The following ARHGAP32 variants were observed in gnomAD, a reference collection of about 807,000 sequenced individuals.
The protein encoded by ARHGAP32 is rho GTPase-activating protein 32.
ARHGAP32 carries 51 observed loss-of-function variants against 186.5 expected under a neutral mutation model. The observed-to-expected ratio is 0.27, with a 90% CI of 0.22 to 0.35. The LOEUF is 0.35. Ranked by LOEUF, ARHGAP32 falls within the 10% of genes least tolerant of loss-of-function variation. ARHGAP32 has a pLI of 1.00. For synonymous variants in ARHGAP32, 950 were observed against 964.3 expected (o/e 0.99, Z 0.27); for missense variants, 2,186 against 2,623.5 (o/e 0.83, Z 3.64).
chr11:128,969,334 T>A lies in ARHGAP32; in HGVS notation c.5879A>T (p.Lys1960Ile). 1 of 1,614,222 alleles carries A rather than the reference T, an allele frequency of 6.2e-7. No individual in the cohort carries two copies. The highest frequency in any genetic ancestry group is 8.5e-7 in the Non-Finnish European group (1 of 1,180,038). The change falls in exon 23 of 23, where the codon AAA (lysine) becomes ATA (isoleucine). Residue 1960 changes from lysine (K) to isoleucine (I), a missense_variant. Lys to Ile is a moderately radical substitution (Grantham distance 102). Around this residue, in one of 5 missense-constraint regions of ARHGAP32, gnomAD observed 1,502 missense variants for 1,570.0 expected, o/e 0.96. Transcript: ENST00000682385. This position sits in a 1 kb window ranked among gnomAD's most constrained non-coding sequence, Gnocchi z 4.8. The part of the protein sequence containing the change: ...RLNHKEVRLS[K>I]EMERPWVRQP... ...CCTAACCCAGGGTCGCTCCATCTCT[T>A]TGGAGAGCCTTACCTCTTTGTGGTT...
chr11:128,985,920 T>C, intron 15 of ARHGAP32, 83 bp downstream of exon 15: 1 of 679,724 alleles, frequency 1.5e-6, no homozygotes, highest in Non-Finnish European at 2.3e-6. Context: ...CAAGGAAGTT[T>C]AAATAGAAAT....
intron 2 of ARHGAP32, among the ~76,000 whole-genome samples, chr11:129,151,675 T>C (rs148465138): frequency 2.3e-3 from 352 of 152,254 alleles, no homozygotes; most frequent in African/African-American, 8.3e-3. Context: ...AGCTGAATGA[T>C]AATACTGACA....
chr11:129,212,341 T>C (rs980927392), intron 1 of ARHGAP32, among the ~76,000 whole-genome samples: 13 of 152,104 alleles, frequency 8.5e-5, no homozygotes, highest in Admixed American at 8.5e-4. Context: ...TTGCCTAATA[T>C]GAAAATAAGG....
At chr11:129,243,826 C>G (rs1945051803) in intron 1 of ARHGAP32, among the ~76,000 whole-genome samples, 1 of 152,182 alleles carries the variant, frequency 6.6e-6, no homozygotes, top group Non-Finnish European at 1.5e-5. Context: ...TTCTCCACCC[C>G]CACAAGCCCA....
At chr11:129,277,018 A>T (rs778188512) in intron 1 of ARHGAP32, among the ~76,000 whole-genome samples, 3 of 152,224 alleles carry the variant, frequency 2.0e-5, no homozygotes, top group Non-Finnish European at 2.9e-5. Context: ...TTACTCTTTA[A>T]AAGTTCAACT....
intron 1 of ARHGAP32, among the ~76,000 whole-genome samples, chr11:129,239,558 GGAT>G (rs1363388779): frequency 1.3e-5 from 2 of 152,094 alleles, no homozygotes; most frequent in Admixed American, 1.3e-4. Flanking sequence ...AATAGAAATT[GGAT>G]GATACCAATT....
At chr11:129,155,528 T>C (rs578112032) in intron 2 of ARHGAP32, among the ~76,000 whole-genome samples, 4 of 152,284 alleles carry the variant, frequency 2.6e-5, no homozygotes, top group East Asian at 3.9e-4. Flanking sequence ...TCTGAAAAAT[T>C]AGAAAATTCT....
intron 2 of ARHGAP32, among the ~76,000 whole-genome samples, chr11:129,144,044 CAAT>C (rs535875667): frequency 2.0e-5 from 3 of 152,182 alleles, no homozygotes; most frequent in South Asian, 4.1e-4. Flanking sequence ...TTTTGAACAA[CAAT>C]GTTACTAAAG....
chr11:128,987,377 C>T (rs1459385193), intron 13 of ARHGAP32, among the ~76,000 whole-genome samples: 8 of 152,042 alleles, frequency 5.3e-5, no homozygotes. Context: ...AGTACAAGGA[C>T]TAATTTATGT....
intron 11 of ARHGAP32, among the ~76,000 whole-genome samples, chr11:129,016,768 C>T (rs1938363276): frequency 6.6e-6 from 1 of 152,182 alleles, no homozygotes. Flanking sequence ...TTTGGAATCT[C>T]ATTGAAGCTG....
intron 2 of ARHGAP32, among the ~76,000 whole-genome samples, chr11:129,138,583 C>A (rs1942986110): frequency 6.6e-6 from 1 of 152,106 alleles, no homozygotes; most frequent in Admixed American, 6.6e-5. Context: ...GTCCCATATT[C>A]AAAGTGCTAA....
At chr11:129,051,998 T>C (rs1940071286) in intron 10 of ARHGAP32, among the ~76,000 whole-genome samples, 1 of 143,614 alleles carries the variant, frequency 7.0e-6, no homozygotes, top group South Asian at 2.4e-4. Context: ...CTTCACCTAA[T>C]CCAAAGCCAC....
intron 1 of ARHGAP32, among the ~76,000 whole-genome samples, chr11:129,167,234 G>GC (rs1349655577): frequency 6.6e-6 from 1 of 152,140 alleles, no homozygotes; most frequent in African/African-American, 2.4e-5. Context: ...AGCTGGGAAA[G>GC]ATACGGAGAA....
At chr11:129,181,384 T>C (rs1206959311) in intron 1 of ARHGAP32, among the ~76,000 whole-genome samples, 1 of 152,162 alleles carries the variant, frequency 6.6e-6, no homozygotes, top group African/African-American at 2.4e-5. Context: ...ATGTCCGAAG[T>C]GCTCAGTTTG....
At chr11:129,220,722 A>G (rs1257826121) in intron 1 of ARHGAP32, among the ~76,000 whole-genome samples, 1 of 152,220 alleles carries the variant, frequency 6.6e-6, no homozygotes, top group Non-Finnish European at 1.5e-5. Flanking sequence ...AGACTCAGAA[A>G]GCCGCACTGT....
chr11:129,128,557 G>T (rs755628095), intron 2 of ARHGAP32, among the ~76,000 whole-genome samples: 4 of 152,038 alleles, frequency 2.6e-5, no homozygotes, highest in Admixed American at 6.5e-5. Flanking sequence ...CTAATTTTAT[G>T]ATTAAAAATA....
Position 129,020,205 on chromosome 11 carries a change from C to A in ARHGAP32, c.1045+20723G>T, listed in dbSNP as rs1300317812. 2.6e-5 allele frequency among the ~76,000 whole-genome samples: 4 copies of A among 152,050 alleles called. No homozygotes were observed. In the East Asian group the frequency reaches 7.7e-4, roughly 29 times the overall value. ...GAACTTTGTCAAAAAAAATTAGGTTCTCTAAATCATCTTGGAAAAAGGCTG... is the reference window on the plus strand; with the variant it reads ...GAACTTTGTCAAAAAAAATTAGGTTATCTAAATCATCTTGGAAAAAGGCTG... On this transcript the variant is annotated intron_variant, in intron 11 of 22. Coordinates refer to ENST00000682385, the MANE Select transcript of ARHGAP32 (RefSeq NM_001378024.1).
intron 5 of ARHGAP32, among the ~76,000 whole-genome samples, chr11:129,099,939 T>A (rs751292995): frequency 1.8e-4 from 27 of 152,258 alleles, no homozygotes; most frequent in African/African-American, 5.1e-4. Flanking sequence ...TACTGTGCAC[T>A]GCACCAGGAC....
intron 6 of ARHGAP32, among the ~76,000 whole-genome samples, chr11:129,074,228 T>C (rs1455079264): frequency 6.6e-6 from 1 of 152,226 alleles, no homozygotes; most frequent in African/African-American, 2.4e-5. Flanking sequence ...GATAACAGTT[T>C]GTTCAAATAA....
Sources: gnomAD v4.1 joint callset for allele counts (sites outside exome capture counted in the v4.1 genomes callset) on GRCh38, gnomAD v4.1.1 for gene constraint, gnomAD v4.1.1 regional missense constraint, Gnocchi (gnomAD v3.1) non-coding constraint, MANE v1.5 for transcripts, NCBI Gene and HGNC (gene_info 2026-07-23, HGNC 2026-07-21) for gene names.